Variants in SEMA5B observed in about 807,000 individuals in gnomAD.
The protein encoded by SEMA5B is semaphorin 5B, also known as semaphorin-5B.
In SEMA5B, 66 loss-of-function variants were observed where a neutral mutation model predicts 135.0. The ratio of observed to expected loss-of-function variants is 0.49; its 90% confidence interval spans 0.40 to 0.60. The LOEUF (loss-of-function observed/expected upper bound fraction) is 0.60, where lower values mean the gene tolerates loss of function less well. Among genes scored for constraint, SEMA5B ranks in the 20% least tolerant of loss-of-function variants. The probability of loss-of-function intolerance (pLI) is 0.00; values close to 1 mark genes in which losing one functional copy is unlikely to be tolerated. For synonymous variants in SEMA5B, 690 were observed against 639.5 expected, an observed-to-expected ratio of 1.08 and a Z score of -1.19; for missense variants, 1,501 against 1,566.3, an observed-to-expected ratio of 0.96 and a Z score of 0.70.
At chr3:122,920,677 T>C (rs549126816) in intron 12 of SEMA5B, among the ~76,000 whole-genome samples, 2 of 152,290 alleles carry the variant, frequency 1.3e-5, no homozygotes, top group East Asian at 3.9e-4. Flanking sequence ...AAAGATTTAG[T>C]TGTTCAAGAT....
intron 3 of SEMA5B, among the ~76,000 whole-genome samples, chr3:122,947,135 G>T (rs1209155304): frequency 6.6e-6 from 1 of 152,086 alleles, no homozygotes; most frequent in Non-Finnish European, 1.5e-5. Flanking sequence ...GTGTGAGGAG[G>T]CTAGCCCTAA....
At chr3:122,955,102 C>T (rs1205562044) in intron 2 of SEMA5B, among the ~76,000 whole-genome samples, 1 of 151,420 alleles carries the variant, frequency 6.6e-6, no homozygotes, top group Non-Finnish European at 1.5e-5. Flanking sequence ...CCTGAGTAGT[C>T]ATCATCTTCT....
chr3:122,936,609 G>A (rs1939298486), intron 5 of SEMA5B, among the ~76,000 whole-genome samples: 3 of 152,184 alleles, frequency 2.0e-5, no homozygotes. Context: ...GAACTGTTCT[G>A]GCAAAGGTCG....
At chr3:122,981,879 T>C (rs183952647) in intron 1 of SEMA5B, among the ~76,000 whole-genome samples, 1 of 152,266 alleles carries the variant, frequency 6.6e-6, no homozygotes, top group East Asian at 1.9e-4. Flanking sequence ...CACGGATGGA[T>C]GGAGTCTCTG....
chr3:122,980,797 C>A (rs1017873160), intron 1 of SEMA5B, among the ~76,000 whole-genome samples: 1 of 152,120 alleles, frequency 6.6e-6, no homozygotes, highest in Non-Finnish European at 1.5e-5. Flanking sequence ...GAAACTCTAC[C>A]CATTAAACAG....
At chr3:122,975,973 A>T (rs895076) in intron 1 of SEMA5B, 318,052 of 1,532,096 alleles carry the variant, frequency 0.21, 38,064 homozygotes, top group African/African-American at 0.55. Context: ...CAAATCTAGA[A>T]ACTCTTCATG....
chr3:122,940,154 C>A (rs1939490161), intron 4 of SEMA5B, among the ~76,000 whole-genome samples: 1 of 152,230 alleles, frequency 6.6e-6, no homozygotes, highest in African/African-American at 2.4e-5. Context: ...ACTTATCAAC[C>A]TCAAACAGTT....
intron 12 of SEMA5B, among the ~76,000 whole-genome samples, chr3:122,921,394 G>A (rs1938340657): frequency 6.6e-6 from 1 of 152,162 alleles, no homozygotes; most frequent in Non-Finnish European, 1.5e-5. Flanking sequence ...GGAAGCCAGG[G>A]CAACTCCTCC....
At chr3:123,002,161 G>A (rs1942192716) in intron 1 of SEMA5B, among the ~76,000 whole-genome samples, 1 of 152,230 alleles carries the variant, frequency 6.6e-6, no homozygotes, top group Non-Finnish European at 1.5e-5. Flanking sequence ...ATCATGGGGA[G>A]AGAGCAAGGG....
intron 1 of SEMA5B, among the ~76,000 whole-genome samples, chr3:122,996,188 C>T (rs1456014760): frequency 6.6e-6 from 1 of 152,258 alleles, no homozygotes; most frequent in African/African-American, 2.4e-5. Flanking sequence ...AACACACACA[C>T]TCAGCATCTA....
At chr3:122,967,309 C>T (rs1940900344) in intron 1 of SEMA5B, among the ~76,000 whole-genome samples, 2 of 152,126 alleles carry the variant, frequency 1.3e-5, no homozygotes, top group Admixed American at 1.3e-4. Context: ...AGATTTCCTC[C>T]TCCTAACTAC....
At chr3:122,925,090 C>T (rs770673019) in intron 9 of SEMA5B, among the ~76,000 whole-genome samples, 6 of 152,188 alleles carry the variant, frequency 3.9e-5, no homozygotes, top group Non-Finnish European at 7.4e-5. Context: ...ACTCTCGTTT[C>T]GGTCCACCCC....
Position 122,910,082 on chromosome 3 carries a change from C to G in SEMA5B, c.*61G>C. On this transcript the variant is annotated 3_prime_UTR_variant, in exon 23 of 23. Transcript: ENST00000357599. ...AGAAAACCAAACTGGCTCCACTGTC[C>G]CATCTCCATCTGCTCTGTGCCTTAT... is the stretch of plus-strand genomic sequence containing the variant. The G allele has an allele frequency of 6.4e-7, 1 of 1,566,248 alleles. No individual in the cohort carries two copies.
At chr3:123,010,579 G>A (rs7432433) in intron 1 of SEMA5B, among the ~76,000 whole-genome samples, 40,102 of 151,940 alleles carry the variant, frequency 0.26, 10,063 homozygotes, top group African/African-American at 0.66. Context: ...GGGAGGCTGA[G>A]GCAGGCAGAT....
chr3:122,975,136 C>G (rs1941271825), intron 1 of SEMA5B: 6 of 152,358 alleles, frequency 3.9e-5, no homozygotes. Flanking sequence ...CAGGTGTGGT[C>G]TGCAGGCAGA....
intron 3 of SEMA5B, among the ~76,000 whole-genome samples, chr3:122,948,272 A>G (rs1939878381): frequency 6.6e-6 from 1 of 152,144 alleles, no homozygotes; most frequent in Admixed American, 6.5e-5. Flanking sequence ...GCATGCATGA[A>G]GGGCCTGAAT....
chr3:122,969,230 C>T (rs889113577), intron 1 of SEMA5B, among the ~76,000 whole-genome samples: 3 of 152,200 alleles, frequency 2.0e-5, no homozygotes, highest in Non-Finnish European at 2.9e-5. Flanking sequence ...GTGGCAGAGC[C>T]GGATCTGCTC....
chr3:122,974,362 C>G (rs569011712), intron 1 of SEMA5B, among the ~76,000 whole-genome samples: 134 of 152,356 alleles, frequency 8.8e-4, no homozygotes, highest in Admixed American at 2.2e-3. Flanking sequence ...ACCACTACTG[C>G]CCCAGACATA....
chr3:122,948,007 GGAAACAC>G (rs771795953), intron 3 of SEMA5B, among the ~76,000 whole-genome samples: 133 of 152,096 alleles, frequency 8.7e-4, no homozygotes, highest in Non-Finnish European at 1.5e-3. Context: ...TCCCAGTTTG[GGAAACAC>G]TTTCATAGGA....
Sources: allele counts gnomAD v4.1 joint callset (sites outside exome capture counted in the v4.1 genomes callset), GRCh38; gene constraint gnomAD v4.1.1; transcripts MANE v1.5; gene names NCBI Gene and HGNC (gene_info 2026-07-23, HGNC 2026-07-21).